NEMP2: variants seen among roughly 807,000 people sequenced by gnomAD.
The protein encoded by NEMP2 is nuclear envelope integral membrane protein 2.
Under a neutral mutation model 54.2 loss-of-function variants are expected in NEMP2, and 53 were observed. The ratio of observed to expected loss-of-function variants is 0.98; its 90% CI spans 0.78 to 1.23. The LOEUF (loss-of-function observed/expected upper bound fraction) is 1.23. Among genes scored for constraint, NEMP2 ranks in the 50% most tolerant of loss-of-function variants. The probability of loss-of-function intolerance (pLI) is 0.00; values close to 1 mark genes in which losing one functional copy is unlikely to be tolerated. For synonymous variants in NEMP2, 197 were observed against 190.3 expected (o/e 1.04, Z -0.29); for missense variants, 455 against 511.3 (o/e 0.89, Z 1.06).
In NEMP2 at chr2:190,528,390, C is replaced by T. The variant is rs1332732540; in HGVS notation, c.98-3012G>A. Among the ~76,000 whole-genome samples, 4 of 152,056 alleles carry T rather than the reference C, an allele frequency of 2.6e-5. No homozygotes were observed. Among genetic ancestry groups the T allele is most frequent in the African/African-American group, 7.3e-5 (3 of 41,376 alleles). Reference sequence around the variant, plus strand: ...ATGTTCTGCCTTTGCACAGCCTCCTCGGGGGGGTCTCTAAGCATGGCTAGA... The same window carrying T: ...ATGTTCTGCCTTTGCACAGCCTCCTTGGGGGGGTCTCTAAGCATGGCTAGA... On this transcript the variant is annotated intron_variant, in intron 1 of 8. Transcript: ENST00000409150. The surrounding 1 kb of genome is among the most constrained non-coding windows in gnomAD (Gnocchi z 4.3).
rs1288620335 is a variant in NEMP2 at position 190,519,818 on chromosome 2, T to C, written c.214-635A>G. Among the ~76,000 whole-genome samples the C allele has an allele frequency of 3.3e-5, 5 of 152,234 alleles. No individual in the cohort carries two copies. The highest frequency in any genetic ancestry group is 7.3e-5 in the Non-Finnish European group (5 of 68,030). On this transcript the variant is annotated intron_variant, in intron 2 of 8. Transcript: ENST00000409150. This position sits in a 1 kb window ranked among gnomAD's most constrained non-coding sequence, Gnocchi z 5.4. ...GGCATACCCATTTTATTGTTTTACATCACTGTGCTTTGCAGATAGTGCATT... is the reference window on the plus strand; with the variant it reads ...GGCATACCCATTTTATTGTTTTACACCACTGTGCTTTGCAGATAGTGCATT...
At chr2:190,450,849 T>C in the NEMP2 span, among the ~76,000 whole-genome samples, 10 of 152,202 alleles carry the variant, frequency 6.6e-5, no homozygotes, top group African/African-American at 2.4e-4. Context: ...TCTGACATTA[T>C]TGAAAAGAAG....
the NEMP2 span, among the ~76,000 whole-genome samples, chr2:190,590,732 A>G: frequency 1.3e-5 from 2 of 152,132 alleles, no homozygotes; most frequent in African/African-American, 4.8e-5. This position sits in a 1 kb window ranked among gnomAD's most constrained non-coding sequence, Gnocchi z 5.1. Context: ...TTTTTCTCCT[A>G]ATGGCAACTC....
the NEMP2 span, among the ~76,000 whole-genome samples, chr2:190,431,484 C>T: frequency 6.6e-6 from 1 of 152,270 alleles, no homozygotes; most frequent in Admixed American, 6.5e-5. The surrounding 1 kb of genome is among the most constrained non-coding windows in gnomAD (Gnocchi z 4.4). Context: ...TGGCGGATCA[C>T]TCGCGATTAG....
the NEMP2 span, among the ~76,000 whole-genome samples, chr2:190,548,165 G>A: frequency 2.0e-5 from 3 of 152,144 alleles, no homozygotes; most frequent in African/African-American, 4.8e-5. Flanking sequence ...CATTGTGGTT[G>A]TGTCCCTGGA....
the NEMP2 span, among the ~76,000 whole-genome samples, chr2:190,473,663 C>T: frequency 3.9e-5 from 6 of 152,256 alleles, no homozygotes; most frequent in Non-Finnish European, 8.8e-5. Context: ...GACAGATCAA[C>T]GAGACAGAAA....
At chr2:190,453,175 C>T in the NEMP2 span, among the ~76,000 whole-genome samples, 137 of 152,162 alleles carry the variant, frequency 9.0e-4, no homozygotes, top group African/African-American at 3.2e-3. Context: ...CAGAGTTCTT[C>T]TGAGCAGGAC....
the NEMP2 span, among the ~76,000 whole-genome samples, chr2:190,442,210 G>A: frequency 6.6e-6 from 1 of 152,118 alleles, no homozygotes; most frequent in African/African-American, 2.4e-5. Context: ...ACATGCTCTA[G>A]AGGACCAAGT....
chr2:190,580,326 G>T, the NEMP2 span, among the ~76,000 whole-genome samples: 1 of 152,148 alleles, frequency 6.6e-6, no homozygotes, highest in Non-Finnish European at 1.5e-5. The surrounding 1 kb of genome is among the most constrained non-coding windows in gnomAD (Gnocchi z 5.3). Context: ...ACCATCATTT[G>T]GCTCTTTAGT....
chr2:190,481,425 C>T, the NEMP2 span, among the ~76,000 whole-genome samples: 1 of 152,130 alleles, frequency 6.6e-6, no homozygotes, highest in Non-Finnish European at 1.5e-5. Context: ...ACCTTTTATC[C>T]ATAAATGCTT....
chr2:190,487,259 T>C, the NEMP2 span, among the ~76,000 whole-genome samples: 9 of 152,304 alleles, frequency 5.9e-5, no homozygotes, highest in East Asian at 1.3e-3. The surrounding 1 kb of genome is among the most constrained non-coding windows in gnomAD (Gnocchi z 5.5). Flanking sequence ...GAGGATCGCT[T>C]GAACCCAGGA....
At chr2:190,578,662 T>G in the NEMP2 span, among the ~76,000 whole-genome samples, 1 of 151,914 alleles carries the variant, frequency 6.6e-6, no homozygotes, top group South Asian at 2.1e-4. The surrounding 1 kb of genome is among the most constrained non-coding windows in gnomAD (Gnocchi z 4.4). Flanking sequence ...TGTGGGTGTG[T>G]TTGCAGAGGA....
the NEMP2 span, among the ~76,000 whole-genome samples, chr2:190,458,695 C>G: frequency 1.3e-5 from 2 of 152,160 alleles, no homozygotes; most frequent in East Asian, 3.9e-4. The surrounding 1 kb of genome is among the most constrained non-coding windows in gnomAD (Gnocchi z 5.3). Flanking sequence ...TCACTTGAGA[C>G]TCTTTCAGTG....
the NEMP2 span, among the ~76,000 whole-genome samples, chr2:190,429,970 A>G: frequency 6.6e-6 from 1 of 151,970 alleles, no homozygotes; most frequent in Non-Finnish European, 1.5e-5. Flanking sequence ...TACATTAGGT[A>G]TATCTCCTAA....
chr2:190,500,124 C>G (rs1298659180), downstream of NEMP2: 1 of 1,614,178 alleles, frequency 6.2e-7, no homozygotes, highest in South Asian at 1.1e-5. The surrounding 1 kb of genome is among the most constrained non-coding windows in gnomAD (Gnocchi z 5.3). Flanking sequence ...GCAGCAGCAT[C>G]TCAGACGCAG....
the NEMP2 span, chr2:190,497,573 C>T: frequency 6.2e-7 from 1 of 1,614,168 alleles, no homozygotes; most frequent in South Asian, 1.1e-5. The surrounding 1 kb of genome is among the most constrained non-coding windows in gnomAD (Gnocchi z 5.2). Context: ...GAAAACTAAG[C>T]ACCAGGAAGA....
At chr2:190,585,205 T>C in the NEMP2 span, among the ~76,000 whole-genome samples, 1 of 152,360 alleles carries the variant, frequency 6.6e-6, no homozygotes, top group Non-Finnish European at 1.5e-5. The surrounding 1 kb of genome is among the most constrained non-coding windows in gnomAD (Gnocchi z 5.3). Context: ...TTTATCTAAA[T>C]CTTTCTTTAT....
chr2:190,472,140 A>G, the NEMP2 span, among the ~76,000 whole-genome samples: 1 of 152,208 alleles, frequency 6.6e-6, no homozygotes, highest in Non-Finnish European at 1.5e-5. Context: ...AAGATGGGGA[A>G]AAAACAGAGC....
At chr2:190,536,585 G>A (rs1365413328), upstream of NEMP2, among the ~76,000 whole-genome samples, 2 of 152,162 alleles carry the variant, frequency 1.3e-5, no homozygotes, top group Non-Finnish European at 2.9e-5. Context: ...CCAGGAGTGT[G>A]AAAAACCCCT....
Sources: allele counts gnomAD v4.1 joint callset (sites outside exome capture counted in the v4.1 genomes callset), GRCh38; gene constraint gnomAD v4.1.1; non-coding constraint Gnocchi (gnomAD v3.1); transcripts MANE v1.5; gene names NCBI Gene and HGNC (gene_info 2026-07-23, HGNC 2026-07-21).